Variants in INO80E observed in about 807,000 individuals in gnomAD.
The protein encoded by INO80E is INO80 complex subunit E.
A neutral mutation model predicts 27.3 loss-of-function variants in INO80E; 20 were observed. That is an observed-to-expected ratio of 0.73 (90% CI 0.51 to 1.06). INO80E has a LOEUF of 1.06. INO80E is among the 50% of genes least tolerant of loss of function. The pLI, the probability that INO80E is intolerant of heterozygous loss-of-function variation, is 0.00. For missense variants in INO80E, 357 were observed against 322.8 expected, an observed-to-expected ratio of 1.11 and a Z score of -0.81; for synonymous variants, 167 against 145.9, an observed-to-expected ratio of 1.14 and a Z score of -1.04.
intron 3 of INO80E, among the ~76,000 whole-genome samples, chr16:29,997,387 A>G (rs1417894931): frequency 1.3e-5 from 2 of 152,064 alleles, no homozygotes; most frequent in African/African-American, 4.8e-5. Context: ...ATAGGCACTG[A>G]AATTTGAATT....
At chr16:30,004,582 C>A (rs2070477851) in intron 6 of INO80E, 1 of 154,618 alleles carries the variant, frequency 6.5e-6, no homozygotes, top group Non-Finnish European at 1.5e-5. Flanking sequence ...CGCGCTCTGG[C>A]TGCCGTGCGG....
At position 30,001,010 on chromosome 16, in the gene INO80E, C is replaced by T; in HGVS notation, c.366C>T (p.Ala122=). ...CTTCAACAGGGTTTCCCCTTCAGGC[C>T]TCCGGGGTCCCCTCCCCATACCTGA... ...LPPSTGFPLQ[A]SGVPSPYLSS... Residue 122 remains alanine (A), a synonymous_variant, in exon 5 of 7, where the codon GCC becomes GCT. Transcript: ENST00000563197. The T allele has an allele frequency of 6.4e-7, 1 of 1,552,072 alleles. No individual in the cohort carries two copies. Among genetic ancestry groups the T allele is most frequent in the Non-Finnish European group, 8.7e-7 (1 of 1,148,046 alleles).
intron 3 of INO80E, among the ~76,000 whole-genome samples, chr16:29,998,708 G>T (rs766800713): frequency 1.3e-5 from 2 of 152,058 alleles, no homozygotes; most frequent in Non-Finnish European, 2.9e-5. Flanking sequence ...TGAGGCCCTC[G>T]TAAGCCATGT....
At chr16:30,005,071 G>C (rs1250754609) in intron 6 of INO80E, 150 bp from the exon 7 acceptor site, 7 of 811,732 alleles carry the variant, frequency 8.6e-6, no homozygotes, top group Non-Finnish European at 1.3e-5. Context: ...GGGGCTGAGG[G>C]GGGCAGGCCC....
At position 29,996,595 on chromosome 16, in the gene INO80E, C is replaced by G. The variant is rs780402845; in HGVS notation, c.130C>G (p.Leu44Val). 4 of 1,578,824 alleles carry G rather than the reference C, an allele frequency of 2.5e-6. No homozygotes were observed. The Admixed American group carries it at 7.4e-5, about 29-fold the overall frequency. ...EELRKAQRKL[L>V]KVSRDKSFLL... is the part of the protein sequence containing the mutation. ...GCTGAGGAAAGCGCAAAGGAAATTA[C>G]TGAAGGTGTCCCGGGACAAGAGGTG... The change falls in exon 2 of 7, where the codon CTG becomes GTG. Residue 44 changes from leucine to valine, a missense_variant. Coordinates refer to ENST00000563197, the MANE Select transcript of INO80E (RefSeq NM_173618.3).
rs758338235 is a variant in INO80E at position 30,000,248 on chromosome 16, G to A, written c.206-510G>A. 2.0e-5 allele frequency among the ~76,000 whole-genome samples: 3 copies of A among 152,276 alleles called. No homozygotes were observed. The East Asian group carries it at 5.8e-4, about 29-fold the overall frequency. ...AGGTGTGTTACGGAGGAACCAGAGC[G>A]GGCGGGGGGCTGGGGAGGCTGGAGA... On this transcript the variant is annotated intron_variant, in intron 3 of 6. Coordinates refer to ENST00000563197, the MANE Select transcript of INO80E (RefSeq NM_173618.3).
chr16:30,000,231 T>C (rs576261276), intron 3 of INO80E, among the ~76,000 whole-genome samples: 10 of 151,756 alleles, frequency 6.6e-5, no homozygotes, highest in African/African-American at 2.4e-4. Flanking sequence ...GCAGGTGTGT[T>C]ACGGAGGAAC....
intron 3 of INO80E, among the ~76,000 whole-genome samples, chr16:29,997,162 T>C (rs1197781401): frequency 6.6e-6 from 1 of 152,236 alleles, no homozygotes; most frequent in Non-Finnish European, 1.5e-5. Flanking sequence ...ACTAGAATTT[T>C]AGGTCATAGG....
rs759650289 is a variant in INO80E, at chr16:30,001,019, C to G, written c.375C>G (p.Val125=). ...STGFPLQASG[V]PSPYLSSLAS... is the part of the protein sequence containing the mutation. ...GGTTTCCCCTTCAGGCCTCCGGGGT[C>G]CCCTCCCCATACCTGAGCTCGGTGA... The change falls in exon 5 of 7, where the codon GTC becomes GTG. Residue 125 remains valine, a synonymous_variant. Transcript: ENST00000563197. 3 of 1,550,504 alleles carry G rather than the reference C, an allele frequency of 1.9e-6. No individual in the cohort carries two copies. Among genetic ancestry groups the G allele is most frequent in the East Asian group, 4.5e-5 (2 of 44,230 alleles).
At position 30,003,040 on chromosome 16, in the gene INO80E, C is replaced by G. The variant is rs999516691; in HGVS notation, c.513+1510C>G. ...TGACAGTACTGGCCCTGGTTCTTAG[C>G]AGGGGGGTGGCGGGCAGGGTAGGGG... is the stretch of plus-strand genomic sequence containing the variant. On this transcript the variant is annotated intron_variant, in intron 6 of 6. Coordinates refer to ENST00000563197, the MANE Select transcript of INO80E (RefSeq NM_173618.3). This position sits in a 1 kb window ranked among gnomAD's most constrained non-coding sequence, Gnocchi z 4.4. The G allele has an allele frequency of 4.2e-5, 6 of 144,414 alleles. No individual in the cohort carries two copies. The highest frequency in any genetic ancestry group is 1.6e-4 in the African/African-American group (6 of 37,658). 8.9% of individuals were successfully genotyped at this position (144,414 alleles called of 1,614,324 possible). A position where few individuals can be genotyped will look rare whatever the true frequency, so the allele number is the denominator to read the frequency against.
rs931695067 is a variant in INO80E at position 30,003,604 on chromosome 16, C to T, written c.514-1617C>T. 2.6e-5 allele frequency: 4 copies of T among 152,246 alleles called. No homozygotes were observed. Among genetic ancestry groups the T allele is most frequent in the Admixed American group, 2.6e-4 (4 of 15,286 alleles). The allele number at this position is 152,246 out of a possible 1,614,324, so 9.4% of individuals were successfully genotyped here. On this transcript the variant is annotated intron_variant, in intron 6 of 6. Coordinates refer to ENST00000563197, the MANE Select transcript of INO80E (RefSeq NM_173618.3). This position sits in a 1 kb window ranked among gnomAD's most constrained non-coding sequence, Gnocchi z 4.4. ...TCCAGTGCTCACCATGCGACCTCAG[C>T]GTTGTCATTTCACTCTTTAAGCCAC...
rs1381492557 is a variant in INO80E at position 29,996,626 on chromosome 16, C to G, written c.152+9C>G. ...GTGTCCCGGGACAAGAGGTGAGGCA[C>G]GTTGCAGGGGCGGAGGGCGATGTGC... On this transcript the variant is annotated intron_variant, in intron 2 of 6. Coordinates refer to ENST00000563197, the MANE Select transcript of INO80E (RefSeq NM_173618.3). 1 of 1,581,632 alleles carries G rather than the reference C, an allele frequency of 6.3e-7. No individual in the cohort carries two copies. The highest frequency in any genetic ancestry group is 8.6e-7 in the Non-Finnish European group (1 of 1,163,700).
chr16:30,001,166 C>T (rs746747135), intron 5 of INO80E, 126 bp downstream of exon 5: 6 of 1,474,034 alleles, frequency 4.1e-6, no homozygotes, highest in South Asian at 1.4e-5. Context: ...GCCCAAGTGT[C>T]CCGTGGAGGG....
At chr16:30,005,065 C>A (rs1017571103) in intron 6 of INO80E, among the ~76,000 whole-genome samples, 156 bp from the exon 7 acceptor site, 1 of 152,138 alleles carries the variant, frequency 6.6e-6, no homozygotes, top group Admixed American at 6.5e-5. Flanking sequence ...TCTCGAGGGG[C>A]TGAGGGGGGC....
intron 6 of INO80E, 182 bp downstream of exon 6, chr16:30,001,712 A>G: frequency 1.7e-6 from 1 of 594,324 alleles, no homozygotes. Context: ...GAGACAAATC[A>G]GGGCAGAACC....
At position 30,001,525 on chromosome 16, in the gene INO80E, C is replaced by T. The variant is rs865793498; in HGVS notation, c.508C>T (p.Leu170Phe). 1 of 1,612,462 alleles carries T rather than the reference C, an allele frequency of 6.2e-7. No homozygotes were observed. Among genetic ancestry groups the T allele is most frequent in the African/African-American group, 1.3e-5 (1 of 74,998 alleles). ...GAAACGGCCCCGCCTGCCCCGGAAA[C>T]TCAAGGTACCCTGACGTGGGGGTGC... Reference protein sequence around the residue: ...REKRPRLPRKLKMAVGPPDCP... With the variant: ...REKRPRLPRKFKMAVGPPDCP... Residue 170 changes from leucine (L) to phenylalanine (F), a missense_variant, in exon 6 of 7, where the codon CTC (leucine) becomes TTC (phenylalanine). By Grantham distance (22) the Leu-to-Phe change is conservative. Coordinates refer to ENST00000563197, the MANE Select transcript of INO80E (RefSeq NM_173618.3).
chr16:30,004,798 G>A (rs774188424), intron 6 of INO80E: 8 of 162,952 alleles, frequency 4.9e-5, no homozygotes, highest in Non-Finnish European at 9.3e-5. Flanking sequence ...ACCCTCCACC[G>A]AACCAGTGAG....
At position 30,005,333 on chromosome 16, in the gene INO80E, C is replaced by A. The variant is rs560211871; in HGVS notation, c.626C>A (p.Pro209His). ...ACCCCCCTCCCACCCCCTAAGATGC[C>A]CCCCCCCACGATCCTGAGCACGGTC... ...TLTPLPPPKMPPPTILSTVPR... is the reference protein window; with the variant it reads ...TLTPLPPPKMHPPTILSTVPR... The change falls in exon 7 of 7, where the codon CCC becomes CAC. Residue 209 changes from proline to histidine, a missense_variant. Coordinates refer to ENST00000563197, the MANE Select transcript of INO80E (RefSeq NM_173618.3). 8.5e-6 allele frequency: 4 copies of A among 470,622 alleles called. No individual in the cohort carries two copies. The highest frequency in any genetic ancestry group is 1.3e-5 in the Non-Finnish European group (4 of 309,504). 29.2% of individuals were successfully genotyped at this position (470,622 alleles called of 1,614,324 possible). A position where few individuals can be genotyped will look rare whatever the true frequency, so the allele number is the denominator to read the frequency against.
At chr16:30,001,201 C>T (rs771393797) in intron 5 of INO80E, 161 bp downstream of exon 5, 5 of 1,478,510 alleles carry the variant, frequency 3.4e-6, no homozygotes, top group African/African-American at 2.8e-5. Context: ...GCCCCCTTCT[C>T]TCTGGTATAG....
Sources: gnomAD v4.1 joint callset for allele counts (sites outside exome capture counted in the v4.1 genomes callset) on GRCh38, gnomAD v4.1.1 for gene constraint, Gnocchi (gnomAD v3.1) non-coding constraint, MANE v1.5 for transcripts, NCBI Gene and HGNC (gene_info 2026-07-23, HGNC 2026-07-21) for gene names.